The following SHANK2 variants were observed in gnomAD, a reference collection of about 807,000 sequenced individuals.
SHANK2 encodes the protein SH3 and multiple ankyrin repeat domains protein 2.
Under a neutral mutation model 133.7 loss-of-function variants are expected in SHANK2, and 43 were observed. The ratio of observed to expected loss-of-function variants is 0.32; its 90% CI spans 0.25 to 0.41. SHANK2 has a LOEUF of 0.41. Ranked by LOEUF, SHANK2 falls within the 10% of genes least tolerant of loss-of-function variation. SHANK2 has a pLI of 1.00. For synonymous variants in SHANK2, 1,017 were observed against 952.8 expected (o/e 1.07, Z -1.24); for missense variants, 1,994 against 2,235.8 (o/e 0.89, Z 2.18).
At chr11:71,244,550 CA>C (rs1304070840) in intron 1 of SHANK2, among the ~76,000 whole-genome samples, 20 of 152,326 alleles carry the variant, frequency 1.3e-4, no homozygotes, top group African/African-American at 4.8e-4. Flanking sequence ...TTTTCAAGCT[CA>C]TCCTCTCCCA....
chr11:71,092,457 A>C lies in SHANK2; in HGVS notation c.877T>G (p.Cys293Gly). The C allele has an allele frequency of 6.4e-7, 1 of 1,551,536 alleles. No homozygotes were observed. Among genetic ancestry groups the C allele is most frequent in the Non-Finnish European group, 8.7e-7 (1 of 1,146,962 alleles). Residue 293 changes from cysteine to glycine, a missense_variant, in exon 8 of 26, where the codon TGC becomes GGC. By Grantham distance (159) the Cys-to-Gly change is radical. Transcript: ENST00000601538. ...TCGTGCCAGCCGTTCTCATCTTTGC[A>C]GCACACAGTGGCGTGTTCGTGCAGG... ...LLLHEHATVC[C>G]KDENGWHEIH...
chr11:71,164,604 T>C (rs1245712362), intron 2 of SHANK2, among the ~76,000 whole-genome samples: 1 of 152,188 alleles, frequency 6.6e-6, no homozygotes, highest in African/African-American at 2.4e-5. Flanking sequence ...ACTGGGAACA[T>C]CACACAACAA....
In SHANK2 at chr11:70,807,998, G is replaced by A. The variant is rs962666305; in HGVS notation, c.1494-827C>T. ...CACAGAAAGTAGAATGGCGGGTGCCGGGGGCTGGTGGAGAGAATGGGGAGT... is the reference window on the plus strand; with the variant it reads ...CACAGAAAGTAGAATGGCGGGTGCCAGGGGCTGGTGGAGAGAATGGGGAGT... On this transcript the variant is annotated intron_variant, in intron 12 of 25. Transcript: ENST00000601538. The surrounding 1 kb of genome is among the most constrained non-coding windows in gnomAD (Gnocchi z 4.8). Among the ~76,000 whole-genome samples the A allele has an allele frequency of 9.9e-5, 15 of 152,070 alleles. No individual in the cohort carries two copies. The highest frequency in any genetic ancestry group is 1.6e-4 in the Non-Finnish European group (11 of 68,006).
rs1184732997 is a variant in SHANK2 at position 70,569,509 on chromosome 11, G to A, written c.2062-66578C>T. On this transcript the variant is annotated intron_variant, in intron 17 of 25. Transcript: ENST00000601538. This position sits in a 1 kb window ranked among gnomAD's most constrained non-coding sequence, Gnocchi z 5.1. ...GATGAGGCCCCAGGAAGAGAGGCATGGGTGGCGCTGCCGGCCGCTTCCCCA... is the reference window on the plus strand; with the variant it reads ...GATGAGGCCCCAGGAAGAGAGGCATAGGTGGCGCTGCCGGCCGCTTCCCCA... Among the ~76,000 whole-genome samples, 4 of 152,168 alleles carry A rather than the reference G, an allele frequency of 2.6e-5. No homozygotes were observed. Among genetic ancestry groups the A allele is most frequent in the African/African-American group, 7.2e-5 (3 of 41,444 alleles).
intron 14 of SHANK2, among the ~76,000 whole-genome samples, chr11:70,700,830 G>A (rs1371805679): frequency 5.3e-5 from 8 of 152,234 alleles, no homozygotes; most frequent in Admixed American, 4.6e-4. Flanking sequence ...GGCCCAGCAC[G>A]TGGGTAGCTG....
intron 17 of SHANK2, among the ~76,000 whole-genome samples, chr11:70,590,050 G>T (rs2060301890): frequency 6.6e-6 from 1 of 152,216 alleles, no homozygotes. Flanking sequence ...AGCTACTCGG[G>T]AGGCTGAGGC....
At position 71,075,199 on chromosome 11, in the gene SHANK2, G is replaced by A. The variant is rs1325173402; in HGVS notation, c.989C>T (p.Ser330Leu). The change falls in exon 9 of 26, where the codon TCG becomes TTG. Residue 330 changes from serine (S) to leucine (L), a missense_variant. Around this residue, in one of 5 missense-constraint regions of SHANK2, gnomAD observed 653 missense variants for 563.4 expected, o/e 1.16. Coordinates refer to ENST00000601538, the MANE Select transcript of SHANK2 (RefSeq NM_012309.5). Reference sequence around the variant, plus strand: ...GCAGATGTGCAAGGCCGTGTTCCCCGAGGCATTCTGGGCACTCATGTCTGC... The same window carrying A: ...GCAGATGTGCAAGGCCGTGTTCCCCAAGGCATTCTGGGCACTCATGTCTGC... ...YGADMSAQNA[S>L]GNTALHICAL... The A allele has an allele frequency of 1.9e-5, 5 of 257,462 alleles. No homozygotes were observed. The highest frequency in any genetic ancestry group is 8.7e-5 in the East Asian group (1 of 11,430). 15.9% of individuals were successfully genotyped at this position (257,462 alleles called of 1,614,324 possible).
intron 17 of SHANK2, among the ~76,000 whole-genome samples, chr11:70,591,536 T>A (rs1309546269): frequency 7.3e-6 from 1 of 137,096 alleles, no homozygotes; most frequent in Non-Finnish European, 1.6e-5. Context: ...TTTGCTTTTC[T>A]TAAAAAAGAA....
chr11:71,107,927 C>T (rs1381952937), intron 6 of SHANK2, among the ~76,000 whole-genome samples: 3 of 152,204 alleles, frequency 2.0e-5, no homozygotes, highest in Non-Finnish European at 4.4e-5. Context: ...CCTCCTTCTA[C>T]TGCTGGCCAG....
intron 4 of SHANK2, among the ~76,000 whole-genome samples, chr11:71,117,222 G>T (rs184712416): frequency 2.6e-5 from 4 of 152,250 alleles, no homozygotes; most frequent in Admixed American, 1.3e-4. Flanking sequence ...GTTTCACCAT[G>T]TTGGCCAGGC....
chr11:70,885,429 A>G (rs573598), intron 11 of SHANK2, among the ~76,000 whole-genome samples: 139,298 of 152,260 alleles, frequency 0.91, 64,435 homozygotes, highest in Non-Finnish European at 0.98. Flanking sequence ...AGTGGGACAC[A>G]CTTCCCAGCA....
At chr11:70,600,438 GAAAAGA>G (rs1554990815) in intron 17 of SHANK2, among the ~76,000 whole-genome samples, 20 of 125,384 alleles carry the variant, frequency 1.6e-4, no homozygotes, top group African/African-American at 2.7e-4. Flanking sequence ...AAAAAAAAAA[GAAAAGA>G]AAAAGAAAAA....
intron 10 of SHANK2, among the ~76,000 whole-genome samples, chr11:70,904,023 A>T (rs1384157304): frequency 1.3e-5 from 2 of 151,918 alleles, no homozygotes; most frequent in Middle Eastern, 3.4e-3. Flanking sequence ...CAAACCCCTA[A>T]TCTGTATTAA....
intron 11 of SHANK2, among the ~76,000 whole-genome samples, chr11:70,824,615 A>T (rs1217683931): frequency 6.6e-6 from 1 of 151,934 alleles, no homozygotes; most frequent in Non-Finnish European, 1.5e-5. Flanking sequence ...CACGAGAAAA[A>T]CCTCATCCCT....
chr11:70,831,714 G>T (rs942383102), intron 11 of SHANK2, among the ~76,000 whole-genome samples: 1 of 152,260 alleles, frequency 6.6e-6, no homozygotes, highest in Non-Finnish European at 1.5e-5. Flanking sequence ...AAGTCCTGGC[G>T]GGGACGCCGT....
At chr11:70,659,794 C>G in intron 17 of SHANK2, 34 bp downstream of exon 17, 1 of 1,613,992 alleles carries the variant, frequency 6.2e-7, no homozygotes. Context: ...GGCGCTCTCC[C>G]CAAGCAGAAA....
chr11:70,691,973 C>A (rs1466925451), intron 15 of SHANK2, among the ~76,000 whole-genome samples: 2 of 152,074 alleles, frequency 1.3e-5, no homozygotes, highest in Non-Finnish European at 2.9e-5. Context: ...TCTTGCCCTG[C>A]CCCAAACTAT....
At chr11:70,790,694 A>T (rs1433242046) in intron 14 of SHANK2, among the ~76,000 whole-genome samples, 1 of 152,158 alleles carries the variant, frequency 6.6e-6, no homozygotes, top group African/African-American at 2.4e-5. Context: ...CATACGCTCT[A>T]TCTGTATCTA....
intron 17 of SHANK2, among the ~76,000 whole-genome samples, chr11:70,641,816 A>C (rs1010839228): frequency 9.8e-5 from 15 of 152,326 alleles, no homozygotes; most frequent in African/African-American, 3.6e-4. Flanking sequence ...ACAATGTCTA[A>C]AATGGGTGCA....
Sources: gnomAD v4.1 joint callset for allele counts (sites outside exome capture counted in the v4.1 genomes callset) on GRCh38, gnomAD v4.1.1 for gene constraint, gnomAD v4.1.1 regional missense constraint, Gnocchi (gnomAD v3.1) non-coding constraint, MANE v1.5 for transcripts, NCBI Gene and HGNC (gene_info 2026-07-23, HGNC 2026-07-21) for gene names.